Variants in ADGRG2 observed in about 807,000 individuals in gnomAD.
ADGRG2 encodes the protein adhesion G protein-coupled receptor G2, also known as G protein-coupled receptor 64.
A neutral mutation model predicts 74.1 loss-of-function variants in ADGRG2; 26 were observed. The observed-to-expected ratio is 0.35, with a 90% confidence interval of 0.26 to 0.49. The LOEUF is 0.49. Among genes scored for constraint, ADGRG2 ranks in the 20% least tolerant of loss-of-function variants. The probability of loss-of-function intolerance (pLI) is 0.99; values close to 1 mark genes in which losing one functional copy is unlikely to be tolerated. For synonymous variants in ADGRG2, 296 were observed against 295.2 expected, an observed-to-expected ratio of 1.00 and a Z score of -0.03; for missense variants, 619 against 763.1, an observed-to-expected ratio of 0.81 and a Z score of 2.22.
chrX:19,108,104 CAAAA>C (rs143987070), intron 1 of ADGRG2, among the ~76,000 whole-genome samples: 1 of 44,959 alleles, frequency 2.2e-5, no homozygotes. Flanking sequence ...GACTCCGTCT[CAAAA>C]AAAAAAAAAA....
At chrX:19,109,041 AAAG>A (rs976942409) in intron 1 of ADGRG2, among the ~76,000 whole-genome samples, 100 of 110,745 alleles carry the variant, frequency 9.0e-4, no homozygotes, top group African/African-American at 2.9e-3. Flanking sequence ...CCATCTCAAA[AAAG>A]AAGAAGAAGA....
At chrX:19,058,176 G>A (rs1312968458) in intron 3 of ADGRG2, among the ~76,000 whole-genome samples, 1 of 111,997 alleles carries the variant, frequency 8.9e-6, no homozygotes. Flanking sequence ...CATTTTTGAA[G>A]GCCTACTGTG....
chrX:19,094,089 G>A (rs1246867950), intron 1 of ADGRG2, among the ~76,000 whole-genome samples: 1 of 111,742 alleles, frequency 8.9e-6, no homozygotes, highest in East Asian at 2.8e-4. Flanking sequence ...AATGTGACAT[G>A]GACATAGAGT....
chrX:19,024,975 A>G (rs1164839988), intron 11 of ADGRG2, among the ~76,000 whole-genome samples: 1 of 111,427 alleles, frequency 9.0e-6, no homozygotes, highest in Non-Finnish European at 1.9e-5. Flanking sequence ...ACGTCTCACC[A>G]TGTTACCCAG....
At chrX:19,008,235 T>TTA in intron 18 of ADGRG2, 112 bp from the exon 19 acceptor site, 1 of 477,163 alleles carries the variant, frequency 2.1e-6, no homozygotes. Context: ...ATTTTTTTTT[T>TTA]AAAAAAAGAT....
chrX:19,116,981 T>C (rs917991209), intron 1 of ADGRG2, among the ~76,000 whole-genome samples: 15 of 112,059 alleles, frequency 1.3e-4, no homozygotes, highest in African/African-American at 4.9e-4. Flanking sequence ...TATACAAGTA[T>C]GTTTGGACTG....
Position 19,023,924 on chromosome X carries a change from C to T in ADGRG2, c.495G>A (p.Leu165=), listed in dbSNP as rs754373771. 8.4e-7 allele frequency: 1 copy of T among 1,191,491 alleles called. No individual in the cohort carries two copies. Among genetic ancestry groups the T allele is most frequent in the Admixed American group, 2.2e-5 (1 of 45,907 alleles). Residue 165 remains leucine (L), a synonymous_variant, in exon 12 of 29, where the codon CTG becomes CTA. Transcript: ENST00000379869. The stretch of plus-strand genomic sequence containing the variant: ...CTATGATTACCTCACTTAGGGTTTG[C>T]AGGGTTTTGTTGAGCTCTGAGCGTC... The part of the protein sequence containing the change: ...ELKRSELNKT[L]QTLSETYFIM...
At position 18,990,855 on chromosome X, in the gene ADGRG2, A is replaced by G; in HGVS notation, c.*9T>C. On this transcript the variant is annotated 3_prime_UTR_variant, in exon 29 of 29. Coordinates refer to ENST00000379869, the MANE Select transcript of ADGRG2 (RefSeq NM_001079858.3). ...TCAAGCATCATGCTTTGATTTTAGA[A>G]GAAAGGAATCACATTTGCTCAATAA... 4 of 1,165,012 alleles carry G rather than the reference A, an allele frequency of 3.4e-6. No individual in the cohort carries two copies. The highest frequency in any genetic ancestry group is 4.6e-6 in the Non-Finnish European group (4 of 862,996).
In ADGRG2 at chrX:18,999,102, A is replaced by G. The variant is rs2060075420; in HGVS notation, c.2508T>C (p.Ala836=). Reference sequence around the variant, plus strand: ...TTATTCCCAGTAAAAATGTAAGGCCAGCGATACTCCTGAGGTCTTGAATAC... The same window carrying G: ...TTATTCCCAGTAAAAATGTAAGGCCGGCGATACTCCTGAGGTCTTGAATAC... ...KTSIQDLRSI[A]GLTFLLGITW... is the part of the protein sequence containing the mutation. Residue 836 remains alanine (A), a synonymous_variant, in exon 26 of 29, where the codon GCT becomes GCC. Transcript: ENST00000379869. The G allele has an allele frequency of 8.3e-7, 1 of 1,210,099 alleles. No homozygotes were observed. Among genetic ancestry groups the G allele is most frequent in the Non-Finnish European group, 1.1e-6 (1 of 893,756 alleles).
chrX:18,994,849 A>T, intron 28 of ADGRG2, 47 bp downstream of exon 28: 1 of 1,064,520 alleles, frequency 9.4e-7, no homozygotes. Context: ...AAACTATTTT[A>T]AAAAATAAAC....
At chrX:19,000,633 C>G (rs772946392) in intron 24 of ADGRG2, among the ~76,000 whole-genome samples, 1 of 111,640 alleles carries the variant, frequency 9.0e-6, no homozygotes, top group African/African-American at 3.3e-5. Flanking sequence ...ACTGCAAGAC[C>G]AGGGACTCCT....
At chrX:19,044,368 C>A (rs958959607) in intron 3 of ADGRG2, among the ~76,000 whole-genome samples, 1 of 111,745 alleles carries the variant, frequency 8.9e-6, no homozygotes, top group East Asian at 2.8e-4. Context: ...ACTCTGACTC[C>A]TCTTCACTTT....
At chrX:19,065,997 C>A (rs1398874638) in intron 3 of ADGRG2, among the ~76,000 whole-genome samples, 1 of 112,062 alleles carries the variant, frequency 8.9e-6, no homozygotes, top group Admixed American at 9.4e-5. Context: ...TAGGCGTGCA[C>A]CACCACGCCC....
chrX:19,090,665 T>A (rs1432348348), intron 1 of ADGRG2, among the ~76,000 whole-genome samples: 3 of 110,706 alleles, frequency 2.7e-5, no homozygotes, highest in Non-Finnish European at 5.7e-5. Flanking sequence ...TCTAATTTAT[T>A]CTTTATTCTC....
At chrX:19,039,001 G>A (rs1480451891) in intron 4 of ADGRG2, among the ~76,000 whole-genome samples, 2 of 111,789 alleles carry the variant, frequency 1.8e-5, no homozygotes, top group Non-Finnish European at 3.8e-5. Context: ...TCAAAAACTC[G>A]TAAAAATAAT....
At chrX:19,007,055 C>T (rs964921556) in intron 20 of ADGRG2, among the ~76,000 whole-genome samples, 180 bp downstream of exon 20, 4 of 111,529 alleles carry the variant, frequency 3.6e-5, no homozygotes, top group African/African-American at 1.3e-4. Flanking sequence ...TGCACCTGCC[C>T]TGGTCAATTA....
intron 1 of ADGRG2, among the ~76,000 whole-genome samples, chrX:19,097,061 C>G (rs966805971): frequency 8.9e-6 from 1 of 112,425 alleles, no homozygotes; most frequent in Non-Finnish European, 1.9e-5. Context: ...TGCATGTTTT[C>G]CTCCTTGGCC....
chrX:19,083,258 G>A (rs899347720), intron 1 of ADGRG2, among the ~76,000 whole-genome samples: 16 of 105,527 alleles, frequency 1.5e-4, no homozygotes, highest in African/African-American at 5.2e-4. Context: ...GACTTCAGGT[G>A]ATCTGCCCAC....
intron 9 of ADGRG2, among the ~76,000 whole-genome samples, chrX:19,029,842 G>T (rs1017713253): frequency 3.6e-5 from 4 of 111,229 alleles, no homozygotes; most frequent in Non-Finnish European, 3.8e-5. Flanking sequence ...GGAAGAGTCA[G>T]AGAGGAGGGA....
Sources: allele counts gnomAD v4.1 joint callset (sites outside exome capture counted in the v4.1 genomes callset), GRCh38; gene constraint gnomAD v4.1.1; transcripts MANE v1.5; gene names NCBI Gene and HGNC (gene_info 2026-07-23, HGNC 2026-07-21).